XKR6: variants seen among roughly 807,000 people sequenced by gnomAD.
The protein encoded by XKR6 is XK related 6.
A neutral mutation model predicts 56.7 loss-of-function variants in XKR6; 22 were observed. The observed-to-expected ratio is 0.39, with a 90% CI of 0.28 to 0.55. The LOEUF is 0.55. Ranked by LOEUF, XKR6 falls within the 20% of genes least tolerant of loss-of-function variation. The probability of loss-of-function intolerance (pLI) is 0.66; values close to 1 mark genes in which losing one functional copy is unlikely to be tolerated. For missense variants in XKR6, 852 were observed against 889.0 expected (o/e 0.96, Z 0.53); for synonymous variants, 524 against 387.8 (o/e 1.35, Z -4.13).
chr8:10,931,691 C>G (rs191212318), intron 1 of XKR6, among the ~76,000 whole-genome samples: 14 of 152,066 alleles, frequency 9.2e-5, no homozygotes, highest in Non-Finnish European at 2.9e-5. Context: ...ATAAGTCATT[C>G]ATATGCAACA....
At position 11,039,664 on chromosome 8, in the gene XKR6, G is replaced by A. The variant is rs113788417; in HGVS notation, c.765-114834C>T. On this transcript the variant is annotated intron_variant, in intron 1 of 2. Coordinates refer to ENST00000416569, the MANE Select transcript of XKR6 (RefSeq NM_173683.4). ...CCGGCGGTAACAGTTCCAGCCTGGT[G>A]GCCCACGCCCTCCACAAGGACTCCC... is the stretch of plus-strand genomic sequence containing the variant. 4.0e-3 allele frequency among the ~76,000 whole-genome samples: 604 copies of A among 152,328 alleles called. 5 individuals carry two copies. Among genetic ancestry groups the A allele is most frequent in the Middle Eastern group, 0.01 (3 of 294 alleles).
At chr8:10,984,256 C>A (rs1464087554) in intron 1 of XKR6, among the ~76,000 whole-genome samples, 4 of 152,176 alleles carry the variant, frequency 2.6e-5, no homozygotes, top group African/African-American at 9.7e-5. Context: ...TAAAATTCAA[C>A]ATCCATTCTC....
chr8:11,009,823 A>C (rs911995219), intron 1 of XKR6, among the ~76,000 whole-genome samples: 1 of 152,256 alleles, frequency 6.6e-6, no homozygotes, highest in African/African-American at 2.4e-5. Flanking sequence ...TACTTCATTA[A>C]TCATTGACAA....
At chr8:10,984,979 C>T (rs550215823) in intron 1 of XKR6, among the ~76,000 whole-genome samples, 6 of 151,372 alleles carry the variant, frequency 4.0e-5, no homozygotes, top group Non-Finnish European at 8.8e-5. Flanking sequence ...CTGCTCTGTA[C>T]CCCAGGCTGC....
intron 1 of XKR6, among the ~76,000 whole-genome samples, chr8:11,099,849 T>G (rs1261003589): frequency 6.6e-6 from 1 of 152,124 alleles, no homozygotes; most frequent in Non-Finnish European, 1.5e-5. Context: ...GGTGCCACTC[T>G]AGACAGGCTG....
chr8:11,101,359 G>A (rs1479694364), intron 1 of XKR6, among the ~76,000 whole-genome samples: 2 of 152,148 alleles, frequency 1.3e-5, no homozygotes, highest in African/African-American at 2.4e-5. Flanking sequence ...ATTGGATAAC[G>A]TACACTGTAC....
intron 1 of XKR6, among the ~76,000 whole-genome samples, chr8:10,987,998 C>A (rs557818030): frequency 7.2e-5 from 11 of 152,270 alleles, no homozygotes; most frequent in Admixed American, 3.9e-4. Flanking sequence ...TTTGGACAGG[C>A]CCAGGGCTGT....
At chr8:10,902,946 A>AT (rs1563278665) in intron 2 of XKR6, among the ~76,000 whole-genome samples, 3 of 152,166 alleles carry the variant, frequency 2.0e-5, no homozygotes, top group African/African-American at 7.2e-5. Flanking sequence ...CTCTGGGCAC[A>AT]TTTTTTGGGA....
At chr8:10,906,590 T>C (rs1291287003) in intron 2 of XKR6, among the ~76,000 whole-genome samples, 1 of 152,274 alleles carries the variant, frequency 6.6e-6, no homozygotes, top group Non-Finnish European at 1.5e-5. Context: ...ATTTCAGGTC[T>C]AACAGGTTGC....
chr8:10,941,571 A>C (rs1382176806), intron 1 of XKR6, among the ~76,000 whole-genome samples: 1 of 152,204 alleles, frequency 6.6e-6, no homozygotes, highest in Admixed American at 6.5e-5. Context: ...TTTGCCCTGC[A>C]CTGGGTCCCC....
At chr8:11,046,834 G>C (rs979133033) in intron 1 of XKR6, among the ~76,000 whole-genome samples, 2 of 152,174 alleles carry the variant, frequency 1.3e-5, no homozygotes, top group African/African-American at 2.4e-5. Flanking sequence ...TTTAAATCCT[G>C]TGATTTGCAA....
At chr8:11,147,527 G>A (rs1370670071) in intron 1 of XKR6, among the ~76,000 whole-genome samples, 4 of 151,886 alleles carry the variant, frequency 2.6e-5, no homozygotes, top group South Asian at 4.2e-4. Context: ...GTGGTGGCAC[G>A]TGCCTATAGT....
intron 1 of XKR6, among the ~76,000 whole-genome samples, chr8:11,155,739 C>G (rs1441751392): frequency 6.6e-6 from 1 of 152,178 alleles, no homozygotes; most frequent in East Asian, 1.9e-4. Flanking sequence ...ACTCAAACCT[C>G]CCACCCGTCT....
chr8:10,946,902 C>T (rs6601539), intron 1 of XKR6, among the ~76,000 whole-genome samples: 1 of 152,132 alleles, frequency 6.6e-6, no homozygotes, highest in East Asian at 1.9e-4. Flanking sequence ...GTTCACCAAG[C>T]AGCTAAGGGA....
At chr8:11,131,408 C>T (rs959674886) in intron 1 of XKR6, among the ~76,000 whole-genome samples, 1 of 151,834 alleles carries the variant, frequency 6.6e-6, no homozygotes, top group Admixed American at 6.6e-5. Context: ...ATGATGAAAT[C>T]ATTTTTTTTG....
intron 1 of XKR6, among the ~76,000 whole-genome samples, chr8:11,160,985 G>C (rs1260175439): frequency 6.6e-6 from 1 of 151,360 alleles, no homozygotes; most frequent in Non-Finnish European, 1.5e-5. Flanking sequence ...CAAAAATTCA[G>C]GGTGTGGCTC....
At chr8:11,067,978 G>C (rs1371923514) in intron 1 of XKR6, among the ~76,000 whole-genome samples, 1 of 152,262 alleles carries the variant, frequency 6.6e-6, no homozygotes, top group Non-Finnish European at 1.5e-5. Flanking sequence ...TGGGGTGGTT[G>C]CTGTTGCTCG....
chr8:11,070,222 G>C (rs946379037), intron 1 of XKR6, among the ~76,000 whole-genome samples: 5 of 152,148 alleles, frequency 3.3e-5, no homozygotes, highest in African/African-American at 1.2e-4. Flanking sequence ...TCATGTATTT[G>C]CCCTGCGTCT....
chr8:11,083,618 G>A (rs945143925), intron 1 of XKR6, among the ~76,000 whole-genome samples: 1 of 152,208 alleles, frequency 6.6e-6, no homozygotes. Flanking sequence ...GAGGAGAGAG[G>A]ACAGGAATGA....
Sources: gnomAD v4.1 joint callset for allele counts (sites outside exome capture counted in the v4.1 genomes callset) on GRCh38, gnomAD v4.1.1 for gene constraint, MANE v1.5 for transcripts, NCBI Gene and HGNC (gene_info 2026-07-23, HGNC 2026-07-21) for gene names.